Variants in OR2L13 observed in about 807,000 individuals in gnomAD.
OR2L13 encodes the protein olfactory receptor family 2 subfamily L member 13, also known as olfactory receptor 2L13.
OR2L13 carries 14 observed loss-of-function variants against 15.3 expected under a neutral mutation model. The ratio of observed to expected loss-of-function variants is 0.91; its 90% CI spans 0.60 to 1.43. The LOEUF is 1.43. OR2L13 is among the 40% of genes most tolerant of loss of function. OR2L13 has a pLI of 0.00. For missense variants in OR2L13, 367 were observed against 387.9 expected, an observed-to-expected ratio of 0.95 and a Z score of 0.45; for synonymous variants, 152 against 142.9, an observed-to-expected ratio of 1.06 and a Z score of -0.45.
chr1:248,093,204 G>A (rs1664641142), upstream of OR2L13, among the ~76,000 whole-genome samples: 1 of 152,104 alleles, frequency 6.6e-6, no homozygotes, highest in Admixed American at 6.6e-5. Flanking sequence ...TAAGGTTTGG[G>A]GAAAGCAGGA....
At chr1:247,966,276 A>G in the OR2L13 span, 234 of 1,613,650 alleles carry the variant, frequency 1.5e-4, no homozygotes, top group Non-Finnish European at 1.7e-4. Flanking sequence ...TGACGGGGGC[A>G]GTGAGGAGAC....
chr1:248,054,822 C>T, the OR2L13 span, among the ~76,000 whole-genome samples: 4 of 152,182 alleles, frequency 2.6e-5, no homozygotes, highest in African/African-American at 7.2e-5. Context: ...ATTTGCTTAT[C>T]AGCTTAAGAA....
chr1:247,989,016 G>A, the OR2L13 span, among the ~76,000 whole-genome samples: 1 of 152,206 alleles, frequency 6.6e-6, no homozygotes, highest in South Asian at 2.1e-4. Context: ...TTCTATTGGG[G>A]AGAGCGTGAA....
chr1:248,081,708 T>C, the OR2L13 span, among the ~76,000 whole-genome samples: 1 of 152,198 alleles, frequency 6.6e-6, no homozygotes, highest in African/African-American at 2.4e-5. Flanking sequence ...ACTTTTAGTC[T>C]TAAACAAATG....
At chr1:248,030,049 G>T in the OR2L13 span, 1 of 152,086 alleles carries the variant, frequency 6.6e-6, no homozygotes, top group Non-Finnish European at 1.5e-5. Context: ...TGGATTCATG[G>T]TTGCTACTGA....
chr1:248,072,590 C>A, the OR2L13 span, among the ~76,000 whole-genome samples: 2 of 151,986 alleles, frequency 1.3e-5, no homozygotes, highest in Non-Finnish European at 2.9e-5. Flanking sequence ...GTCTAAAACA[C>A]CAAAAGCAAT....
the OR2L13 span, among the ~76,000 whole-genome samples, chr1:247,941,632 A>G: frequency 6.6e-6 from 1 of 152,160 alleles, no homozygotes; most frequent in African/African-American, 2.4e-5. Context: ...ATGGAGAGAG[A>G]TAGAGAAAAA....
the OR2L13 span, among the ~76,000 whole-genome samples, chr1:248,007,891 C>T: frequency 3.9e-5 from 6 of 152,148 alleles, no homozygotes; most frequent in Non-Finnish European, 7.4e-5. Context: ...GTATATTTCT[C>T]GTTAGAACAA....
the OR2L13 span, among the ~76,000 whole-genome samples, chr1:247,982,163 A>T: frequency 6.6e-6 from 1 of 152,126 alleles, no homozygotes. Context: ...ATGAATAATA[A>T]TTTTTCTTTG....
At chr1:247,975,003 A>G in the OR2L13 span, 3 of 315,280 alleles carry the variant, frequency 9.5e-6, no homozygotes, top group South Asian at 7.5e-5. Context: ...CTGTTTGGAA[A>G]CAAGTCTATT....
the OR2L13 span, among the ~76,000 whole-genome samples, chr1:247,994,352 G>C: frequency 3.9e-5 from 6 of 152,042 alleles, no homozygotes; most frequent in African/African-American, 7.2e-5. Context: ...AGCTGATATC[G>C]CTCCACTGCA....
At chr1:248,011,521 C>A in the OR2L13 span, among the ~76,000 whole-genome samples, 5 of 152,100 alleles carry the variant, frequency 3.3e-5, no homozygotes, top group Non-Finnish European at 5.9e-5. Context: ...GGAAGTTCTC[C>A]TGGATAATAT....
the OR2L13 span, chr1:247,975,246 C>T: frequency 7.2e-6 from 3 of 419,092 alleles, no homozygotes; most frequent in Non-Finnish European, 1.4e-5. Flanking sequence ...TGTTGCTCAG[C>T]CAGGGCTGTG....
chr1:248,052,922 C>A, the OR2L13 span, among the ~76,000 whole-genome samples: 1 of 151,542 alleles, frequency 6.6e-6, no homozygotes, highest in Non-Finnish European at 1.5e-5. Context: ...GCTTTGTACA[C>A]TTTTTATTTT....
At chr1:247,965,539 C>T in the OR2L13 span, 5 of 1,612,456 alleles carry the variant, frequency 3.1e-6, no homozygotes, top group Non-Finnish European at 4.2e-6. Context: ...GAACACCAGA[C>T]TCCACACTCC....
the OR2L13 span, among the ~76,000 whole-genome samples, chr1:248,053,788 G>T: frequency 6.6e-6 from 1 of 151,832 alleles, no homozygotes; most frequent in African/African-American, 2.4e-5. Context: ...TGTCCTTTGC[G>T]CAATTTTAAT....
the OR2L13 span, among the ~76,000 whole-genome samples, chr1:248,072,853 CA>C: frequency 6.6e-6 from 1 of 151,982 alleles, no homozygotes; most frequent in South Asian, 2.1e-4. Flanking sequence ...GACGTTTATG[CA>C]GCTAAAAAAC....
the OR2L13 span, among the ~76,000 whole-genome samples, chr1:247,963,481 C>G: frequency 6.6e-6 from 1 of 152,114 alleles, no homozygotes; most frequent in African/African-American, 2.4e-5. Context: ...GTCTTTGTTC[C>G]TTGTATCTTT....
At chr1:248,009,208 A>G in the OR2L13 span, among the ~76,000 whole-genome samples, 29 of 152,270 alleles carry the variant, frequency 1.9e-4, no homozygotes, top group Non-Finnish European at 2.8e-4. Flanking sequence ...GAGACTCAAA[A>G]AATCCTTCAA....
Sources: gnomAD v4.1 joint callset for allele counts (sites outside exome capture counted in the v4.1 genomes callset) on GRCh38, gnomAD v4.1.1 for gene constraint, MANE v1.5 for transcripts, NCBI Gene and HGNC (gene_info 2026-07-23, HGNC 2026-07-21) for gene names.